Variants in ASPSCR1 observed in about 807,000 individuals in gnomAD.
ASPSCR1 encodes the protein tether containing UBX domain for GLUT4.
ASPSCR1 carries 55 observed loss-of-function variants against 68.9 expected under a neutral mutation model. That is an observed-to-expected ratio of 0.80 (90% CI 0.64 to 1.00). The LOEUF is 1.00. Ranked by LOEUF, ASPSCR1 falls within the 50% of genes least tolerant of loss-of-function variation. The probability of loss-of-function intolerance (pLI) is 0.00; values close to 1 mark genes in which losing one functional copy is unlikely to be tolerated. For synonymous variants in ASPSCR1, 352 were observed against 332.6 expected (o/e 1.06, Z -0.63); for missense variants, 765 against 762.2 (o/e 1.00, Z -0.04).
chr17:82,010,255 C>T (rs1018519474), intron 9 of ASPSCR1, among the ~76,000 whole-genome samples: 7 of 147,926 alleles, frequency 4.7e-5, no homozygotes, highest in African/African-American at 1.5e-4. Context: ...TTGAGCCGGG[C>T]GTGGTGGCTC....
intron 7 of ASPSCR1, among the ~76,000 whole-genome samples, chr17:82,002,083 C>T (rs2042555053): frequency 7.0e-6 from 1 of 142,430 alleles, no homozygotes; most frequent in Admixed American, 7.4e-5. Flanking sequence ...TTACGGCTCA[C>T]AGCAGTCATG....
rs2042603501 is a variant in ASPSCR1 at position 82,003,428 on chromosome 17, A to C, written c.934-5609A>C. On this transcript the variant is annotated intron_variant, in intron 7 of 15. Transcript: ENST00000306739. ...GCACTGCTGCACTCCAGCCTGGGCA[A>C]CAGAGCGAGACGCTGTCTCAAAACA... Among the ~76,000 whole-genome samples the C allele has an allele frequency of 2.6e-5, 4 of 152,254 alleles. No homozygotes were observed. The South Asian group carries it at 8.3e-4, about 31-fold the overall frequency.
chr17:81,997,280 A>T (rs772359070), intron 7 of ASPSCR1, among the ~76,000 whole-genome samples: 19 of 152,012 alleles, frequency 1.2e-4, no homozygotes. Context: ...ATTTACATCC[A>T]CTCAACTACA....
chr17:81,996,335 C>A, intron 6 of ASPSCR1, 85 bp from the exon 7 acceptor site: 1 of 1,472,492 alleles, frequency 6.8e-7, no homozygotes. Flanking sequence ...GAGCCGGGGG[C>A]GGGAGAGGGT....
At chr17:82,004,534 C>T (rs960550606) in intron 7 of ASPSCR1, 20 of 152,408 alleles carry the variant, frequency 1.3e-4, no homozygotes, top group Admixed American at 9.2e-4. Flanking sequence ...CGGCCACCCT[C>T]GGAGCCTGAG....
intron 14 of ASPSCR1, 25 bp downstream of exon 14, chr17:82,016,894 A>C (rs1490080398): frequency 5.0e-6 from 8 of 1,611,890 alleles, no homozygotes. Context: ...GTCTGGGGGC[A>C]CCTCCCGTGG....
intron 11 of ASPSCR1, 36 bp downstream of exon 11, chr17:82,011,641 G>T (rs745656872): frequency 1.3e-6 from 2 of 1,599,230 alleles, no homozygotes; most frequent in Non-Finnish European, 1.7e-6. Flanking sequence ...CCTGCCTCCA[G>T]TGCTCGGGGC....
intron 7 of ASPSCR1, among the ~76,000 whole-genome samples, chr17:82,002,411 G>A (rs1489006948): frequency 6.6e-6 from 1 of 151,574 alleles, no homozygotes; most frequent in African/African-American, 2.4e-5. Flanking sequence ...ACAGGTGTCT[G>A]CCACCTGTAA....
chr17:81,982,452 C>A (rs989520742), intron 2 of ASPSCR1, among the ~76,000 whole-genome samples: 1 of 152,234 alleles, frequency 6.6e-6, no homozygotes, highest in African/African-American at 2.4e-5. Context: ...CAGCCCCAGG[C>A]GTGAACAGTG....
At chr17:81,993,505 GC>G (rs2042239707) in intron 4 of ASPSCR1, among the ~76,000 whole-genome samples, 2 of 152,182 alleles carry the variant, frequency 1.3e-5, no homozygotes, top group Non-Finnish European at 2.9e-5. Flanking sequence ...GAGCCACCGC[GC>G]CCGGCTGAGT....
intron 7 of ASPSCR1, among the ~76,000 whole-genome samples, chr17:82,001,870 G>A (rs1163272505): frequency 2.0e-5 from 3 of 152,254 alleles, no homozygotes; most frequent in Admixed American, 2.0e-4. Context: ...GGGGGTGTTG[G>A]TGCGCTTTAT....
At chr17:81,993,797 C>T (rs1305528207) in intron 4 of ASPSCR1, among the ~76,000 whole-genome samples, 2 of 152,264 alleles carry the variant, frequency 1.3e-5, no homozygotes, top group East Asian at 3.8e-4. Flanking sequence ...TGGTCACCAG[C>T]TCAGCCTGTG....
chr17:81,995,968 C>G (rs768306343), intron 5 of ASPSCR1, 24 bp from the exon 6 acceptor site: 2 of 1,604,512 alleles, frequency 1.2e-6, no homozygotes, highest in Non-Finnish European at 8.5e-7. Context: ...CAAGGCGCAC[C>G]TGTCCTGGCT....
intron 1 of ASPSCR1, chr17:81,978,102 G>A (rs112055269): frequency 0.063 from 10,351 of 165,468 alleles, 530 homozygotes; most frequent in African/African-American, 0.14. Flanking sequence ...ATTCCGGGGC[G>A]TCCCCCGGAG....
chr17:82,010,689 G>T, intron 9 of ASPSCR1, 113 bp from the exon 10 acceptor site: 1 of 1,162,750 alleles, frequency 8.6e-7, no homozygotes, highest in South Asian at 1.3e-5. Flanking sequence ...GGCTGCTTCT[G>T]CCTGCCTCAG....
rs372210210 is a variant in ASPSCR1, at chr17:82,011,393, G to T, written c.1238-150G>T. 3.2e-4 allele frequency: 242 copies of T among 760,948 alleles called. 1 individual carries two copies. The African/African-American group carries it at 3.8e-3, about 12-fold the overall frequency. 47.1% of individuals were successfully genotyped at this position (760,948 alleles called of 1,614,324 possible). A position where few individuals can be genotyped will look rare whatever the true frequency, so the allele number is the denominator to read the frequency against. ...GCCCGCACGGTGGCCCAGCCACGCC[G>T]AGCACCTGGAGTGCTGTGGGAGGAA... is the stretch of plus-strand genomic sequence containing the variant. On this transcript the variant is annotated intron_variant, in intron 10 of 15. Coordinates refer to ENST00000306739, the MANE Select transcript of ASPSCR1 (RefSeq NM_024083.4).
At chr17:81,994,014 G>A (rs959766490) in intron 4 of ASPSCR1, among the ~76,000 whole-genome samples, 1 of 152,184 alleles carries the variant, frequency 6.6e-6, no homozygotes, top group African/African-American at 2.4e-5. Context: ...TCTCAGTGGG[G>A]AGGATTTCAC....
intron 12 of ASPSCR1, chr17:82,015,131 C>T (rs1480457039): frequency 1.3e-5 from 20 of 1,598,142 alleles, no homozygotes; most frequent in Non-Finnish European, 1.3e-5. Context: ...TGAAACGGTG[C>T]CTGGGACCAG....
chr17:81,997,274 A>G (rs1026274692), intron 7 of ASPSCR1, among the ~76,000 whole-genome samples: 1 of 152,076 alleles, frequency 6.6e-6, no homozygotes, highest in Non-Finnish European at 1.5e-5. Flanking sequence ...GGTCACATTT[A>G]CATCCACTCA....
Sources: allele counts gnomAD v4.1 joint callset (sites outside exome capture counted in the v4.1 genomes callset), GRCh38; gene constraint gnomAD v4.1.1; transcripts MANE v1.5; gene names NCBI Gene and HGNC (gene_info 2026-07-23, HGNC 2026-07-21).